The following KCNH2 variants were observed in gnomAD, a reference collection of about 807,000 sequenced individuals.
KCNH2 encodes the protein potassium voltage-gated channel subfamily H member 2, also known as voltage-gated inwardly rectifying potassium channel KCNH2.
In KCNH2, 35 loss-of-function variants were observed where a neutral mutation model predicts 95.9. That is an observed-to-expected ratio of 0.37 (90% CI 0.28 to 0.48). The LOEUF is 0.48. Among genes scored for constraint, KCNH2 ranks in the 20% least tolerant of loss-of-function variants. The pLI is 0.99. For synonymous variants in KCNH2, 786 were observed against 754.7 expected (o/e 1.04, Z -0.68); for missense variants, 1,274 against 1,702.9 (o/e 0.75, Z 4.43).
rs199472866 is a variant in KCNH2 at position 150,958,484 on chromosome 7, C to T, written c.491G>A (p.Arg164His). 120 of 1,472,416 alleles carry T rather than the reference C, an allele frequency of 8.1e-5. No homozygotes were observed. The highest frequency in any genetic ancestry group is 1.0e-4 in the Non-Finnish European group (117 of 1,118,444). 91.2% of individuals were successfully genotyped at this position (1,472,416 alleles called of 1,614,324 possible). A position where few individuals can be genotyped will look rare whatever the true frequency, so the allele number is the denominator to read the frequency against. ...CGCCAGCAGCGCGGGCAGCTTCAGG[C>T]GGAAGGTCTTGGCGCGGCCTGCGGG... Reference protein sequence around the residue: ...WLAPGRAKTFRLKLPALLALT... With the variant: ...WLAPGRAKTFHLKLPALLALT... Residue 164 changes from arginine (R) to histidine (H), a missense_variant, in exon 4 of 15, where the codon CGC (arginine) becomes CAC (histidine). By Grantham distance (29) the Arg-to-His change is conservative. Around this residue, in one of 7 missense-constraint regions of KCNH2, gnomAD observed 392 missense variants for 429.9 expected, o/e 0.91. Coordinates refer to ENST00000262186, the MANE Select transcript of KCNH2 (RefSeq NM_000238.4).
chr7:150,948,807 C>T (rs1358474030), intron 10 of KCNH2, 49 bp downstream of exon 10: 1 of 1,554,200 alleles, frequency 6.4e-7, no homozygotes, highest in Non-Finnish European at 8.9e-7. Flanking sequence ...GGGGCAGCCA[C>T]ACAGCTGGAA....
intron 2 of KCNH2, among the ~76,000 whole-genome samples, chr7:150,973,562 T>C (rs1801893127): frequency 6.6e-6 from 1 of 152,238 alleles, no homozygotes; most frequent in Admixed American, 6.5e-5. Flanking sequence ...CCTGATTTGC[T>C]GTGAGCGAAC....
chr7:150,951,931 A>G (rs1584855233), intron 6 of KCNH2, 96 bp from the exon 7 acceptor site: 12 of 1,174,982 alleles, frequency 1.0e-5, no homozygotes, highest in Non-Finnish European at 1.2e-5. Context: ...ATCAGAGGTC[A>G]GATCCCCAAA....
intron 5 of KCNH2, among the ~76,000 whole-genome samples, chr7:150,954,124 C>G (rs902605501): frequency 1.4e-4 from 21 of 152,210 alleles, no homozygotes; most frequent in African/African-American, 5.1e-4. Context: ...GCTGCGGGAG[C>G]AGCTGAGGCC....
chr7:150,946,268 G>C lies in KCNH2; in HGVS notation c.3330+609C>G, dbSNP rs1052202068. Among the ~76,000 whole-genome samples the C allele has an allele frequency of 2.6e-5, 4 of 152,180 alleles. No homozygotes were observed. Among genetic ancestry groups the C allele is most frequent in the Non-Finnish European group, 5.9e-5 (4 of 68,020 alleles). On this transcript the variant is annotated intron_variant, in intron 14 of 14. Transcript: ENST00000262186. This position sits in a 1 kb window ranked among gnomAD's most constrained non-coding sequence, Gnocchi z 6.5. ...AGGTCCACCCAGGAGAGGACAAGGGGCAACTAAGGCCCATCTCTAGCAGAG... is the reference window on the plus strand; with the variant it reads ...AGGTCCACCCAGGAGAGGACAAGGGCCAACTAAGGCCCATCTCTAGCAGAG...
intron 2 of KCNH2, among the ~76,000 whole-genome samples, chr7:150,965,425 G>T (rs1375016350): frequency 6.6e-6 from 1 of 152,116 alleles, no homozygotes; most frequent in Non-Finnish European, 1.5e-5. Flanking sequence ...GCACGAACTG[G>T]AAGTCCCACC....
At position 150,946,750 on chromosome 7, in the gene KCNH2, G is replaced by A; in HGVS notation, c.3330+127C>T. 1 of 856,146 alleles carries A rather than the reference G, an allele frequency of 1.2e-6. No individual in the cohort carries two copies. The highest frequency in any genetic ancestry group is 1.8e-6 in the Non-Finnish European group (1 of 550,228). The allele number at this position is 856,146 out of a possible 1,614,324, so 53.0% of individuals were successfully genotyped here. On this transcript the variant is annotated intron_variant, in intron 14 of 14. Transcript: ENST00000262186. This position sits in a 1 kb window ranked among gnomAD's most constrained non-coding sequence, Gnocchi z 6.5. ...TCCTCCAGGAGGACAGGGGTGGGAG[G>A]AGGGCAGGAACAAGGTTCAGGGAGG...
At chr7:150,969,909 A>G (rs1165855104) in intron 2 of KCNH2, among the ~76,000 whole-genome samples, 1 of 152,090 alleles carries the variant, frequency 6.6e-6, no homozygotes, top group Non-Finnish European at 1.5e-5. Context: ...GGGCAAGACT[A>G]AGGACATGGA....
chr7:150,947,670 C>T lies in KCNH2; in HGVS notation c.2901G>A (p.Pro967=), dbSNP rs780481239. 60 of 1,606,846 alleles carry T rather than the reference C, an allele frequency of 3.7e-5. No homozygotes were observed. The highest frequency in any genetic ancestry group is 6.7e-5 in the Admixed American group (4 of 59,364). The change falls in exon 12 of 15, where the codon CCG becomes CCA. Residue 967 remains proline (P), a synonymous_variant. Transcript: ENST00000262186. The part of the protein sequence containing the change: ...PFSSPRPPGE[P]PGGEPLMEDC... ...CCTCCATCAGGGGCTCCCCACCCGGCGGCTCTCCGGGGGGCCTGGGGCTGG... is the reference window on the plus strand; with the variant it reads ...CCTCCATCAGGGGCTCCCCACCCGGTGGCTCTCCGGGGGGCCTGGGGCTGG...
chr7:150,959,187 A>G (rs1801483509), intron 3 of KCNH2, among the ~76,000 whole-genome samples: 1 of 152,186 alleles, frequency 6.6e-6, no homozygotes, highest in South Asian at 2.1e-4. Flanking sequence ...AGTCCATAGG[A>G]CACAGCTTCC....
chr7:150,953,092 G>A (rs1563162111), intron 5 of KCNH2, among the ~76,000 whole-genome samples: 1 of 152,084 alleles, frequency 6.6e-6, no homozygotes, highest in Non-Finnish European at 1.5e-5. Context: ...ACATTTCCCG[G>A]CAGACGTGGA....
In KCNH2 at chr7:150,948,938, T is replaced by C. The variant is rs199473004; in HGVS notation, c.2510A>G (p.Asp837Gly). The C allele has an allele frequency of 6.2e-7, 1 of 1,614,070 alleles. No homozygotes were observed. The highest frequency in any genetic ancestry group is 8.5e-7 in the Non-Finnish European group (1 of 1,179,996). ...GTACATGTCCAGCACCTCCAGCAGG[T>C]CGTCCCGATGGATCTTGTGTAGGTC... ...YCDLHKIHRDDLLEVLDMYPE... is the reference protein window; with the variant it reads ...YCDLHKIHRDGLLEVLDMYPE... Residue 837 changes from aspartate to glycine, a missense_variant, in exon 10 of 15, where the codon GAC becomes GGC. Physicochemically the swap from Asp to Gly is moderately conservative, Grantham distance 94. Coordinates refer to ENST00000262186, the MANE Select transcript of KCNH2 (RefSeq NM_000238.4).
At chr7:150,974,683 T>G in intron 2 of KCNH2, 28 bp downstream of exon 2, 2 of 1,149,994 alleles carry the variant, frequency 1.7e-6, no homozygotes, top group Non-Finnish European at 2.3e-6. Context: ...CCGCCCCTGG[T>G]CGTGGCCCCG....
chr7:150,959,222 G>A (rs1056280392), intron 3 of KCNH2, among the ~76,000 whole-genome samples: 11 of 152,170 alleles, frequency 7.2e-5, no homozygotes, highest in Admixed American at 5.9e-4. Context: ...GCTGCTCCCA[G>A]GTGGTCATGT....
chr7:150,953,337 C>T (rs749325925), intron 5 of KCNH2, among the ~76,000 whole-genome samples: 133 of 152,174 alleles, frequency 8.7e-4, no homozygotes, highest in Non-Finnish European at 8.7e-4. Flanking sequence ...CCTCTTCATG[C>T]CACAGGCCCG....
At chr7:150,959,456 C>A (rs1288378910) in intron 3 of KCNH2, 116 bp downstream of exon 3, 2 of 1,298,970 alleles carry the variant, frequency 1.5e-6, no homozygotes, top group African/African-American at 1.5e-5. Flanking sequence ...AAGGGGGGAC[C>A]CCCCACCCAA....
In KCNH2 at chr7:150,951,293, C is replaced by A. The variant is rs556108319; in HGVS notation, c.1945+155G>T. 690 of 1,119,578 alleles carry A rather than the reference C, an allele frequency of 6.2e-4. 11 individuals carry two copies. The South Asian group carries it at 7.6e-3, about 12-fold the overall frequency. 69.4% of individuals were successfully genotyped at this position (1,119,578 alleles called of 1,614,324 possible). ...ACCCCACCCTTCAGTAGTCCCCGCCCTGGTGACCCAGCCCCCAAACCATGT... is the reference window on the plus strand; with the variant it reads ...ACCCCACCCTTCAGTAGTCCCCGCCATGGTGACCCAGCCCCCAAACCATGT... On this transcript the variant is annotated intron_variant, in intron 7 of 14. Coordinates refer to ENST00000262186, the MANE Select transcript of KCNH2 (RefSeq NM_000238.4).
intron 2 of KCNH2, among the ~76,000 whole-genome samples, chr7:150,971,631 C>A (rs1426880096): frequency 6.6e-6 from 1 of 151,544 alleles, no homozygotes; most frequent in African/African-American, 2.4e-5. Flanking sequence ...GAGCAAGGTT[C>A]CGGGGTGCTG....
At chr7:150,957,957 A>G (rs948264748) in intron 4 of KCNH2, 102 bp downstream of exon 4, 1 of 922,874 alleles carries the variant, frequency 1.1e-6, no homozygotes, top group Non-Finnish European at 1.5e-6. Flanking sequence ...CCAGGCACCC[A>G]GGACGTAGTG....
Sources: gnomAD v4.1 joint callset for allele counts (sites outside exome capture counted in the v4.1 genomes callset) on GRCh38, gnomAD v4.1.1 for gene constraint, gnomAD v4.1.1 regional missense constraint, Gnocchi (gnomAD v3.1) non-coding constraint, MANE v1.5 for transcripts, NCBI Gene and HGNC (gene_info 2026-07-23, HGNC 2026-07-21) for gene names.